IGF2BP3: variants seen among roughly 807,000 people sequenced by gnomAD.
The protein encoded by IGF2BP3 is insulin like growth factor 2 mRNA binding protein 3, also known as insulin-like growth factor 2 mRNA-binding protein 3.
A neutral mutation model predicts 73.8 loss-of-function variants in IGF2BP3; 9 were observed. The ratio of observed to expected loss-of-function variants is 0.12; its 90% confidence interval spans 0.07 to 0.21. The LOEUF (loss-of-function observed/expected upper bound fraction) is 0.21. Among genes scored for constraint, IGF2BP3 ranks in the 10% least tolerant of loss-of-function variants. The pLI is 1.00. For synonymous variants in IGF2BP3, 258 were observed against 256.7 expected (o/e 1.01, Z -0.05); for missense variants, 542 against 714.0 (o/e 0.76, Z 2.75).
intron 10 of IGF2BP3, among the ~76,000 whole-genome samples, chr7:23,321,453 A>G (rs1293347794): frequency 1.2e-4 from 19 of 152,186 alleles, no homozygotes; most frequent in Admixed American, 1.2e-3. Context: ...TTGCTAGCAC[A>G]GCAGTCTGAG....
intron 5 of IGF2BP3, among the ~76,000 whole-genome samples, chr7:23,358,891 T>C (rs916888013): frequency 2.0e-5 from 3 of 152,232 alleles, no homozygotes; most frequent in Admixed American, 6.5e-5. Context: ...ATAAGGCCGC[T>C]TGACAGGGAG....
intron 3 of IGF2BP3, among the ~76,000 whole-genome samples, chr7:23,371,650 A>T (rs1364837432): frequency 6.6e-6 from 1 of 152,216 alleles, no homozygotes; most frequent in Non-Finnish European, 1.5e-5. Flanking sequence ...AGACCAGACC[A>T]TTAATAAGAT....
intron 3 of IGF2BP3, among the ~76,000 whole-genome samples, chr7:23,400,079 A>C (rs1189433968): frequency 6.6e-6 from 1 of 152,220 alleles, no homozygotes; most frequent in Admixed American, 6.5e-5. Flanking sequence ...TTCTCAGTAC[A>C]TCTAAGAGGC....
intron 2 of IGF2BP3, among the ~76,000 whole-genome samples, chr7:23,466,646 G>A (rs1169869012): frequency 6.6e-6 from 1 of 152,166 alleles, no homozygotes; most frequent in Non-Finnish European, 1.5e-5. Context: ...AAGTAACTAA[G>A]TATATATATG....
intron 3 of IGF2BP3, among the ~76,000 whole-genome samples, chr7:23,393,568 G>A (rs1299549999): frequency 1.3e-5 from 2 of 152,168 alleles, no homozygotes; most frequent in Non-Finnish European, 2.9e-5. Context: ...TCAGTGGAGG[G>A]GAATCTGGGA....
chr7:23,313,420 T>TG, intron 13 of IGF2BP3, 102 bp downstream of exon 13: 1 of 1,350,140 alleles, frequency 7.4e-7, no homozygotes, highest in Non-Finnish European at 1.0e-6. Flanking sequence ...AAGATGGTCC[T>TG]GCTTTTTATA....
chr7:23,407,852 T>A (rs1270744749), intron 3 of IGF2BP3, among the ~76,000 whole-genome samples: 1 of 143,328 alleles, frequency 7.0e-6, no homozygotes, highest in Non-Finnish European at 1.5e-5. Context: ...TCAACAAAAA[T>A]GTTAGCAAAT....
chr7:23,320,977 CAAAA>C (rs1467813621), intron 10 of IGF2BP3, among the ~76,000 whole-genome samples: 34 of 137,810 alleles, frequency 2.5e-4, no homozygotes, highest in Middle Eastern at 3.8e-3. Flanking sequence ...AAAGAAAAAA[CAAAA>C]AAGAAAAGAA....
intron 10 of IGF2BP3, among the ~76,000 whole-genome samples, chr7:23,324,656 G>T (rs1784244942): frequency 1.2e-5 from 1 of 84,238 alleles, no homozygotes; most frequent in Non-Finnish European, 2.3e-5. Context: ...GATGAACATT[G>T]ATGCAAAAAT....
intron 3 of IGF2BP3, among the ~76,000 whole-genome samples, chr7:23,378,987 A>G (rs923491228): frequency 6.6e-6 from 1 of 152,152 alleles, no homozygotes; most frequent in Non-Finnish European, 1.5e-5. Flanking sequence ...GATGCTTACC[A>G]CACCAACTCA....
intron 3 of IGF2BP3, among the ~76,000 whole-genome samples, chr7:23,396,146 A>G (rs1237257190): frequency 2.0e-5 from 3 of 151,486 alleles, no homozygotes; most frequent in Non-Finnish European, 4.4e-5. Context: ...CACACCAGCC[A>G]TTGTTCTGGG....
chr7:23,394,030 T>C (rs1405551128), intron 3 of IGF2BP3, among the ~76,000 whole-genome samples: 1 of 152,118 alleles, frequency 6.6e-6, no homozygotes, highest in African/African-American at 2.4e-5. Flanking sequence ...CACTTGTGTA[T>C]ACCATAATCT....
At chr7:23,364,382 A>AT (rs995398911) in intron 3 of IGF2BP3, among the ~76,000 whole-genome samples, 2 of 150,942 alleles carry the variant, frequency 1.3e-5, no homozygotes, top group Non-Finnish European at 3.0e-5. Context: ...TAAAAAAAAA[A>AT]AGAAAAAACA....
At chr7:23,317,543 T>C in intron 12 of IGF2BP3, 96 bp downstream of exon 12, 1 of 861,724 alleles carries the variant, frequency 1.2e-6, no homozygotes, top group Non-Finnish European at 1.9e-6. Flanking sequence ...CCATTGACTC[T>C]TTCTGAGATT....
chr7:23,313,506 T>A lies in IGF2BP3; in HGVS notation c.1527+16A>T. The A allele has an allele frequency of 6.2e-7, 1 of 1,613,320 alleles. No homozygotes were observed. Among genetic ancestry groups the A allele is most frequent in the Non-Finnish European group, 8.5e-7 (1 of 1,179,928 alleles). On this transcript the variant is annotated intron_variant, in intron 13 of 14. Transcript: ENST00000258729. ...TCCCTTTCATACCACTGCACAGGTT[T>A]TGCTGAAGTACTTGCCGTTTTGCCT...
At chr7:23,440,371 G>A (rs1787903262) in intron 2 of IGF2BP3, among the ~76,000 whole-genome samples, 2 of 152,202 alleles carry the variant, frequency 1.3e-5, no homozygotes, top group South Asian at 2.1e-4. Flanking sequence ...AGGAGGCAGA[G>A]GTTGCAGTGA....
intron 2 of IGF2BP3, among the ~76,000 whole-genome samples, chr7:23,442,941 A>T (rs1787970267): frequency 6.6e-6 from 1 of 152,104 alleles, no homozygotes; most frequent in Non-Finnish European, 1.5e-5. Flanking sequence ...TTTTATGTTT[A>T]ATCAAACCAT....
At chr7:23,380,866 C>T (rs1315799422) in intron 3 of IGF2BP3, among the ~76,000 whole-genome samples, 2 of 152,208 alleles carry the variant, frequency 1.3e-5, no homozygotes, top group African/African-American at 4.8e-5. Context: ...GTCTTGCCAG[C>T]ACCCGATGGC....
intron 3 of IGF2BP3, among the ~76,000 whole-genome samples, chr7:23,406,902 A>C (rs957897070): frequency 6.6e-5 from 10 of 152,098 alleles, no homozygotes; most frequent in Middle Eastern, 3.2e-3. Context: ...CTAGACAGAA[A>C]AGTTCTTCAA....
Sources: allele counts gnomAD v4.1 joint callset (sites outside exome capture counted in the v4.1 genomes callset), GRCh38; gene constraint gnomAD v4.1.1; transcripts MANE v1.5; gene names NCBI Gene and HGNC (gene_info 2026-07-23, HGNC 2026-07-21).